The following CDC16 variants were observed in gnomAD, a reference collection of about 807,000 sequenced individuals.
CDC16 encodes cell division cycle protein 16 homolog.
Under a neutral mutation model 87.0 loss-of-function variants are expected in CDC16, and 34 were observed. The observed-to-expected ratio is 0.39, with a 90% CI of 0.30 to 0.52. CDC16 has a LOEUF of 0.52. Among genes scored for constraint, CDC16 ranks in the 20% least tolerant of loss-of-function variants. CDC16 has a pLI of 0.74. For missense variants in CDC16, 653 were observed against 751.9 expected, an observed-to-expected ratio of 0.87 and a Z score of 1.54; for synonymous variants, 263 against 260.6, an observed-to-expected ratio of 1.01 and a Z score of -0.09.
In CDC16 at chr13:114,261,991, A is replaced by C. The variant is rs187475033; in HGVS notation, c.1376+43A>C. 5.8e-4 allele frequency: 706 copies of C among 1,212,922 alleles called. 2 individuals carry two copies. The highest frequency in any genetic ancestry group is 7.7e-4 in the Non-Finnish European group (642 of 839,056). The allele number at this position is 1,212,922 out of a possible 1,614,324, so 75.1% of individuals were successfully genotyped here. A position where few individuals can be genotyped will look rare whatever the true frequency, so the allele number is the denominator to read the frequency against. On this transcript the variant is annotated intron_variant, in intron 15 of 17. Transcript: ENST00000356221. Reference sequence around the variant, plus strand: ...TTTTCAGAAATATACTTTGTGTCTCAAAGTTTACTTAATTTTGAATACTTT... The same window carrying C: ...TTTTCAGAAATATACTTTGTGTCTCCAAGTTTACTTAATTTTGAATACTTT...
At chr13:114,235,312 G>A (rs1417706836) in intron 1 of CDC16, among the ~76,000 whole-genome samples, 180 bp downstream of exon 1, 1 of 152,094 alleles carries the variant, frequency 6.6e-6, no homozygotes, top group Non-Finnish European at 1.5e-5. Context: ...GGTCCCTGCA[G>A]CTGGGAGGGG....
At chr13:114,258,067 G>C (rs892313386) in intron 13 of CDC16, among the ~76,000 whole-genome samples, 4 of 152,210 alleles carry the variant, frequency 2.6e-5, no homozygotes, top group African/African-American at 9.7e-5. Flanking sequence ...TTACAGGTGT[G>C]AGCCTCCACG....
rs778964840 is a variant in CDC16, at chr13:114,244,886, TC to T, written c.768-3del. The T allele has an allele frequency of 1.2e-6, 2 of 1,605,850 alleles. No individual in the cohort carries two copies. Among genetic ancestry groups the T allele is most frequent in the Non-Finnish European group, 1.7e-6 (2 of 1,173,764 alleles). Reference sequence around the variant, plus strand: ...GGGTAGTAATGTGTCGCTTTAACTTTCAGAGTAATGGAGAAAGATCCTTTCC... The same window carrying T: ...GGGTAGTAATGTGTCGCTTTAACTTTAGAGTAATGGAGAAAGATCCTTTCC... On this transcript the variant is annotated splice_region_variant and splice_polypyrimidine_tract_variant and intron_variant, in intron 8 of 17. Transcript: ENST00000356221.
At chr13:114,266,724 C>T (rs970885507) in intron 17 of CDC16, among the ~76,000 whole-genome samples, 23 of 151,272 alleles carry the variant, frequency 1.5e-4, no homozygotes, top group Admixed American at 9.9e-4. Flanking sequence ...GACGGAGTCT[C>T]GCTCTGTCGC....
chr13:114,240,261 GTGCAGTGGCACAA>G (rs2081477783), intron 5 of CDC16, among the ~76,000 whole-genome samples: 1 of 151,834 alleles, frequency 6.6e-6, no homozygotes, highest in Non-Finnish European at 1.5e-5. Context: ...CCAGGCTGGA[GTGCAGTGGCACAA>G]TCACAGCTCA....
intron 4 of CDC16, 107 bp from the exon 5 acceptor site, chr13:114,239,243 T>C: frequency 6.7e-7 from 1 of 1,486,760 alleles, no homozygotes; most frequent in Non-Finnish European, 9.0e-7. Context: ...TTTAGACATT[T>C]CACATTTAAA....
intron 17 of CDC16, among the ~76,000 whole-genome samples, chr13:114,267,220 G>C (rs1027720333): frequency 6.6e-6 from 1 of 151,084 alleles, no homozygotes; most frequent in Admixed American, 6.6e-5. Context: ...GGGCGTGGTG[G>C]CCCACGCCTG....
chr13:114,266,621 G>A (rs2083232500), intron 17 of CDC16, among the ~76,000 whole-genome samples: 1 of 152,026 alleles, frequency 6.6e-6, no homozygotes, highest in South Asian at 2.1e-4. Flanking sequence ...CCTGCTCTAC[G>A]GCAGTATAAA....
At chr13:114,248,574 G>C (rs561382263) in intron 11 of CDC16, among the ~76,000 whole-genome samples, 3 of 152,120 alleles carry the variant, frequency 2.0e-5, no homozygotes, top group African/African-American at 7.2e-5. Context: ...CCCGCTACTT[G>C]GGAGGCTGAG....
chr13:114,243,371 C>A, intron 7 of CDC16, 23 bp downstream of exon 7: 1 of 1,113,292 alleles, frequency 9.0e-7, no homozygotes, highest in Non-Finnish European at 1.4e-6. Flanking sequence ...AAAGAGTTAG[C>A]ACTTGCTTTA....
At chr13:114,236,760 C>T (rs2081271886) in intron 2 of CDC16, 39 bp from the exon 3 acceptor site, 2 of 1,612,150 alleles carry the variant, frequency 1.2e-6, no homozygotes, top group Non-Finnish European at 1.7e-6. Context: ...TCTATTTCAC[C>T]TTGTACCTCT....
At chr13:114,249,444 C>G (rs982545629) in intron 11 of CDC16, among the ~76,000 whole-genome samples, 1 of 152,056 alleles carries the variant, frequency 6.6e-6, no homozygotes, top group African/African-American at 2.4e-5. Flanking sequence ...GGGACTGATA[C>G]CAGTCTGTGG....
At chr13:114,264,935 T>C (rs1239919793) in intron 16 of CDC16, 4 of 460,796 alleles carry the variant, frequency 8.7e-6, no homozygotes, top group East Asian at 3.8e-5. Context: ...AAAATCTTTT[T>C]TGGGGTAGAT....
At chr13:114,265,803 G>A (rs17291550) in intron 17 of CDC16, among the ~76,000 whole-genome samples, 20 of 148,556 alleles carry the variant, frequency 1.3e-4, no homozygotes, top group Admixed American at 1.2e-3. Flanking sequence ...GCTAACTCCC[G>A]TTCCTACTAA....
At position 114,262,904 on chromosome 13, in the gene CDC16, C is replaced by T; in HGVS notation, c.1402C>T (p.His468Tyr). The T allele has an allele frequency of 6.2e-7, 1 of 1,614,106 alleles. No homozygotes were observed. Among genetic ancestry groups the T allele is most frequent in the Non-Finnish European group, 8.5e-7 (1 of 1,179,976 alleles). ...AAAGTATGCTGAGGCCTTGGATTAC[C>T]ACCGTCAGGCACTGGTGTTGATTCC... ...LKKYAEALDY[H>Y]RQALVLIPQN... The change falls in exon 16 of 18, where the codon CAC becomes TAC. Residue 468 changes from histidine to tyrosine, a missense_variant. Coordinates refer to ENST00000356221, the MANE Select transcript of CDC16 (RefSeq NM_001078645.3).
At chr13:114,237,495 T>A (rs1229450773) in intron 3 of CDC16, among the ~76,000 whole-genome samples, 1 of 152,118 alleles carries the variant, frequency 6.6e-6, no homozygotes. Context: ...CCTCACTATG[T>A]TGCCCAGGCT....
chr13:114,236,204 T>C (rs2081244182), intron 1 of CDC16, among the ~76,000 whole-genome samples: 2 of 152,238 alleles, frequency 1.3e-5, no homozygotes, highest in Admixed American at 6.5e-5. Flanking sequence ...ACTTGAGTGT[T>C]ATTAAAACTG....
intron 17 of CDC16, among the ~76,000 whole-genome samples, chr13:114,265,891 C>G (rs1323919897): frequency 6.6e-6 from 1 of 152,110 alleles, no homozygotes; most frequent in African/African-American, 2.4e-5. Context: ...CCTCTGCCCA[C>G]CGCAACCCCT....
chr13:114,244,014 G>A, intron 8 of CDC16, 25 bp downstream of exon 8: 1 of 1,569,820 alleles, frequency 6.4e-7, no homozygotes, highest in Middle Eastern at 1.7e-4. Context: ...CCATTTTTCT[G>A]TAGGAACATG....
Sources: gnomAD v4.1 joint callset for allele counts (sites outside exome capture counted in the v4.1 genomes callset) on GRCh38, gnomAD v4.1.1 for gene constraint, MANE v1.5 for transcripts, NCBI Gene and HGNC (gene_info 2026-07-23, HGNC 2026-07-21) for gene names.